ZNF493: variants seen among roughly 807,000 people sequenced by gnomAD.
ZNF493 encodes zinc finger protein 493.
ZNF493 carries 11 observed loss-of-function variants against 12.2 expected under a neutral mutation model. That is an observed-to-expected ratio of 0.90 (90% CI 0.57 to 1.50). The LOEUF is 1.50. Among genes scored for constraint, ZNF493 ranks in the 40% most tolerant of loss-of-function variants. The pLI is 0.00. For missense variants in ZNF493, 950 were observed against 906.6 expected, an observed-to-expected ratio of 1.05 and a Z score of -0.61; for synonymous variants, 286 against 302.6, an observed-to-expected ratio of 0.95 and a Z score of 0.57.
chr19:21,418,553 G>A (rs1040267521), intron 3 of ZNF493, among the ~76,000 whole-genome samples: 5 of 152,128 alleles, frequency 3.3e-5, no homozygotes, highest in African/African-American at 9.7e-5. Flanking sequence ...CCTCGGTCAG[G>A]GAGACCCTAA....
chr19:21,411,229 T>G (rs928023209), intron 3 of ZNF493, among the ~76,000 whole-genome samples: 3 of 152,228 alleles, frequency 2.0e-5, no homozygotes, highest in African/African-American at 7.2e-5. Flanking sequence ...ATGGCAACTT[T>G]GCAAAAGATC....
At chr19:21,416,938 G>T (rs1299381731) in intron 3 of ZNF493, among the ~76,000 whole-genome samples, 1 of 152,306 alleles carries the variant, frequency 6.6e-6, no homozygotes, top group African/African-American at 2.4e-5. Flanking sequence ...TTTAGCGGGG[G>T]TTCCCAAGGC....
chr19:21,424,430 C>T lies in ZNF493; in HGVS notation c.1771C>T (p.His591Tyr). 1.2e-6 allele frequency: 2 copies of T among 1,613,308 alleles called. No homozygotes were observed. Among genetic ancestry groups the T allele is most frequent in the South Asian group, 2.2e-5 (2 of 91,042 alleles). Residue 591 changes from histidine (H) to tyrosine (Y), a missense_variant, in exon 4 of 4, where the codon CAC becomes TAC. Physicochemically the swap from His to Tyr is moderately conservative, Grantham distance 83. Transcript: ENST00000392288. ...TAGTGTATTCTCAACCCTTACTAAA[C>T]ACAAGATAATTCATACTGATAAGAA... ...SFSVFSTLTK[H>Y]KIIHTDKKPY...
In ZNF493 at chr19:21,425,760, G is replaced by A; in HGVS notation, c.*776G>A. 1.7e-6 allele frequency: 1 copy of A among 596,912 alleles called. No individual in the cohort carries two copies. Among genetic ancestry groups the A allele is most frequent in the Non-Finnish European group, 3.2e-6 (1 of 317,230 alleles). 37.0% of individuals were successfully genotyped at this position (596,912 alleles called of 1,614,324 possible). ...TACTAAACATAAGATAACTCATACT[G>A]GAGAAAAATCTTACAAATGTGAAGA... On this transcript the variant is annotated 3_prime_UTR_variant, in exon 4 of 4. Coordinates refer to ENST00000392288, the MANE Select transcript of ZNF493 (RefSeq NM_001076678.3).
rs1159373714 is a variant in ZNF493, at chr19:21,424,008, A to T, written c.1349A>T (p.Lys450Ile). The T allele has an allele frequency of 3.1e-6, 5 of 1,612,206 alleles. No homozygotes were observed. The Admixed American group carries it at 8.4e-5, about 27-fold the overall frequency. The change falls in exon 4 of 4, where the codon AAA (lysine) becomes ATA (isoleucine). Residue 450 changes from lysine to isoleucine, a missense_variant. Coordinates refer to ENST00000392288, the MANE Select transcript of ZNF493 (RefSeq NM_001076678.3). ...KTFSVFSILT[K>I]HKIIHTEEKP... ...TTTAGTGTATTCTCAATTCTTACTA[A>T]ACATAAAATAATTCATACAGAAGAG... is the stretch of plus-strand genomic sequence containing the variant.
chr19:21,408,549 AGTT>A, intron 3 of ZNF493: 1 of 984,736 alleles, frequency 1.0e-6, no homozygotes, highest in Non-Finnish European at 1.2e-6. Context: ...TGATGAGTAC[AGTT>A]ACAGTCAAAT....
At chr19:21,422,711 T>C (rs1021472714) in intron 3 of ZNF493, among the ~76,000 whole-genome samples, 2 of 152,138 alleles carry the variant, frequency 1.3e-5, no homozygotes, top group African/African-American at 4.8e-5. Flanking sequence ...CCTGGGGTAC[T>C]TCAAACACTT....
At position 21,426,673 on chromosome 19, in the gene ZNF493, A is replaced by G. The variant is rs1196942124; in HGVS notation, c.*1689A>G. On this transcript the variant is annotated 3_prime_UTR_variant, in exon 4 of 4. Transcript: ENST00000392288. ...CAAATGTAATAAATTTGGGAAAACAAATTTTCAAAAACTACAGCTTAGAAA... is the reference window on the plus strand; with the variant it reads ...CAAATGTAATAAATTTGGGAAAACAGATTTTCAAAAACTACAGCTTAGAAA... The G allele has an allele frequency of 6.0e-6, 1 of 166,884 alleles. No individual in the cohort carries two copies. The highest frequency in any genetic ancestry group is 1.5e-5 in the Non-Finnish European group (1 of 68,078). 10.3% of individuals were successfully genotyped at this position (166,884 alleles called of 1,614,324 possible). A position where few individuals can be genotyped will look rare whatever the true frequency, so the allele number is the denominator to read the frequency against.
chr19:21,422,990 G>C lies in ZNF493; in HGVS notation c.331G>C (p.Glu111Gln), dbSNP rs2030726584. ...TTCTTTTCAAAAAGTGATACTGAGA[G>C]AATATGTAAAATGTGGACATAAGGA... ...KDSFQKVILR[E>Q]YVKCGHKDLQ... Residue 111 changes from glutamate to glutamine, a missense_variant, in exon 4 of 4, where the codon GAA (glutamate) becomes CAA (glutamine). Glu to Gln is a conservative substitution (Grantham distance 29). Coordinates refer to ENST00000392288, the MANE Select transcript of ZNF493 (RefSeq NM_001076678.3). The C allele has an allele frequency of 3.1e-6, 5 of 1,609,396 alleles. No homozygotes were observed. Among genetic ancestry groups the C allele is most frequent in the Middle Eastern group, 1.7e-4 (1 of 6,024 alleles).
chr19:21,400,005 G>A (rs148047392), intron 1 of ZNF493, among the ~76,000 whole-genome samples: 4 of 152,292 alleles, frequency 2.6e-5, no homozygotes, highest in African/African-American at 7.2e-5. Flanking sequence ...CTGCCTGGAA[G>A]TGTTTTCATA....
At chr19:21,420,373 T>G (rs1204002276) in intron 3 of ZNF493, among the ~76,000 whole-genome samples, 3 of 151,618 alleles carry the variant, frequency 2.0e-5, no homozygotes, top group Non-Finnish European at 4.4e-5. Flanking sequence ...GAAATTTATT[T>G]TTGTGTATGT....
At chr19:21,397,635 T>G (rs1599726258) in intron 1 of ZNF493, 4 of 475,192 alleles carry the variant, frequency 8.4e-6, no homozygotes. Flanking sequence ...GTCCGTGGGG[T>G]TCCCAGTTGC....
chr19:21,413,571 T>C lies in ZNF493; in HGVS notation c.253+7715T>C, dbSNP rs1599374533. 2.7e-5 allele frequency: 11 copies of C among 408,034 alleles called. No homozygotes were observed. The East Asian group carries it at 3.5e-4, about 13-fold the overall frequency. The allele number at this position is 408,034 out of a possible 1,614,324, so 25.3% of individuals were successfully genotyped here. ...TTGGGGTTGTCCTCAGCATCAATCT[T>C]GACATGGCTGCAACGAGGGGGTCCT... is the stretch of plus-strand genomic sequence containing the variant. On this transcript the variant is annotated intron_variant, in intron 3 of 3. Coordinates refer to ENST00000392288, the MANE Select transcript of ZNF493 (RefSeq NM_001076678.3).
At chr19:21,400,787 C>G (rs1208504519) in intron 1 of ZNF493, among the ~76,000 whole-genome samples, 1 of 152,148 alleles carries the variant, frequency 6.6e-6, no homozygotes, top group African/African-American at 2.4e-5. Flanking sequence ...TATTGTACAT[C>G]AGGGATGCTA....
At chr19:21,407,034 A>G (rs2030153839) in intron 3 of ZNF493, among the ~76,000 whole-genome samples, 1 of 151,806 alleles carries the variant, frequency 6.6e-6, no homozygotes, top group Non-Finnish European at 1.5e-5. Flanking sequence ...GAAATTTATT[A>G]TTTTAATTAT....
At chr19:21,411,391 G>A (rs1035519623) in intron 3 of ZNF493, among the ~76,000 whole-genome samples, 8 of 152,032 alleles carry the variant, frequency 5.3e-5, no homozygotes, top group African/African-American at 1.9e-4. Flanking sequence ...TTTTTTATGA[G>A]TGTTTTGCTA....
At chr19:21,422,131 A>G (rs1490324833) in intron 3 of ZNF493, among the ~76,000 whole-genome samples, 1 of 152,194 alleles carries the variant, frequency 6.6e-6, no homozygotes, top group Non-Finnish European at 1.5e-5. Context: ...TGCATGAGCC[A>G]CTGCACCTGG....
chr19:21,405,926 A>C, intron 3 of ZNF493, 70 bp downstream of exon 3: 1 of 1,247,238 alleles, frequency 8.0e-7, no homozygotes, highest in Non-Finnish European at 1.1e-6. Flanking sequence ...AAAAAAAAAA[A>C]AAAGCCAGTC....
chr19:21,413,091 C>T, intron 3 of ZNF493: 1 of 288,088 alleles, frequency 3.5e-6, no homozygotes, highest in Non-Finnish European at 6.6e-6. Context: ...CTTAGGAGAC[C>T]AGCTAATAAT....
Sources: allele counts gnomAD v4.1 joint callset (sites outside exome capture counted in the v4.1 genomes callset), GRCh38; gene constraint gnomAD v4.1.1; transcripts MANE v1.5; gene names NCBI Gene and HGNC (gene_info 2026-07-23, HGNC 2026-07-21).